Variants in AKT3 observed in about 807,000 individuals in gnomAD.
AKT3 encodes the protein AKT serine/threonine kinase 3, also known as RAC-gamma serine/threonine-protein kinase.
AKT3 carries 15 observed loss-of-function variants against 65.3 expected under a neutral mutation model. That is an observed-to-expected ratio of 0.23 (90% CI 0.15 to 0.35). The LOEUF (loss-of-function observed/expected upper bound fraction) is 0.35. Ranked by LOEUF, AKT3 falls within the 10% of genes least tolerant of loss-of-function variation. The pLI, the probability that AKT3 is intolerant of heterozygous loss-of-function variation, is 1.00. For synonymous variants in AKT3, 206 were observed against 183.8 expected, an observed-to-expected ratio of 1.12 and a Z score of -0.98; for missense variants, 243 against 576.5, an observed-to-expected ratio of 0.42 and a Z score of 5.92.
At chr1:243,545,669 T>C in intron 11 of AKT3, 72 bp from the exon 12 acceptor site, 1 of 1,124,142 alleles carries the variant, frequency 8.9e-7, no homozygotes, top group Non-Finnish European at 1.3e-6. Flanking sequence ...AAAAAATATT[T>C]TGTGAAAGTG....
At chr1:243,819,704 C>A (rs1693741533) in intron 2 of AKT3, among the ~76,000 whole-genome samples, 1 of 152,182 alleles carries the variant, frequency 6.6e-6, no homozygotes, top group Non-Finnish European at 1.5e-5. Context: ...GAGACCCCCC[C>A]AACAGGGGTC....
At chr1:243,774,047 G>C (rs541351795) in intron 2 of AKT3, among the ~76,000 whole-genome samples, 1 of 152,148 alleles carries the variant, frequency 6.6e-6, no homozygotes, top group South Asian at 2.1e-4. Context: ...TGAGGAGTGT[G>C]AAAGAGCAAG....
At chr1:243,531,021 A>T (rs1671487282) in intron 12 of AKT3, among the ~76,000 whole-genome samples, 1 of 152,208 alleles carries the variant, frequency 6.6e-6, no homozygotes, top group African/African-American at 2.4e-5. Flanking sequence ...GATGTAAAAT[A>T]GTTACTGCTA....
chr1:243,798,413 T>TTG (rs1267460011), intron 2 of AKT3, among the ~76,000 whole-genome samples: 374 of 137,966 alleles, frequency 2.7e-3, no homozygotes, highest in Non-Finnish European at 4.1e-3. Context: ...TTTTTTTTTT[T>TTG]TTTTGTTTTG....
intron 3 of AKT3, among the ~76,000 whole-genome samples, chr1:243,678,952 C>G (rs377561437): frequency 6.6e-6 from 1 of 152,090 alleles, no homozygotes; most frequent in African/African-American, 2.4e-5. Flanking sequence ...CCTTCTCCTT[C>G]CACCCGCTCC....
intron 2 of AKT3, among the ~76,000 whole-genome samples, chr1:243,722,746 A>C (rs1028862837): frequency 6.6e-6 from 1 of 152,198 alleles, no homozygotes; most frequent in African/African-American, 2.4e-5. Context: ...ACTCAGAAAA[A>C]GAAATACCAT....
At chr1:243,611,220 C>T (rs909210556) in intron 8 of AKT3, among the ~76,000 whole-genome samples, 2 of 152,214 alleles carry the variant, frequency 1.3e-5, no homozygotes, top group African/African-American at 2.4e-5. Flanking sequence ...TAGTTCCACA[C>T]ATACATTACT....
At chr1:243,528,346 G>A (rs1431056895) in intron 12 of AKT3, among the ~76,000 whole-genome samples, 1 of 152,074 alleles carries the variant, frequency 6.6e-6, no homozygotes, top group Non-Finnish European at 1.5e-5. Flanking sequence ...TAGGTTGAGT[G>A]GCACACACGT....
intron 2 of AKT3, among the ~76,000 whole-genome samples, chr1:243,714,238 G>T (rs983581965): frequency 3.3e-5 from 5 of 152,140 alleles, no homozygotes; most frequent in African/African-American, 1.2e-4. Context: ...TGATACTCAA[G>T]ATAAGTTGTG....
intron 9 of AKT3, among the ~76,000 whole-genome samples, chr1:243,567,130 G>A (rs934738641): frequency 6.6e-6 from 1 of 151,902 alleles, no homozygotes; most frequent in Non-Finnish European, 1.5e-5. Context: ...TAATACAAAA[G>A]ATTAGCTGTG....
intron 2 of AKT3, among the ~76,000 whole-genome samples, chr1:243,726,547 T>C (rs1363606030): frequency 6.6e-6 from 1 of 152,206 alleles, no homozygotes; most frequent in African/African-American, 2.4e-5. Flanking sequence ...AAGTTGTCAA[T>C]TTTCTGAAAA....
rs189115197 is a variant in AKT3 at position 243,649,036 on chromosome 1, C to A, written c.285-2999G>T. Among the ~76,000 whole-genome samples the A allele has an allele frequency of 2.7e-3, 404 of 152,092 alleles. 1 individual carries two copies. Among genetic ancestry groups the A allele is most frequent in the Non-Finnish European group, 4.7e-3 (322 of 67,990 alleles). On this transcript the variant is annotated intron_variant, in intron 4 of 13. Coordinates refer to ENST00000673466, the MANE Select transcript of AKT3 (RefSeq NM_005465.7). ...TTTCAAATACAGGTATTTAAGGCTA[C>A]AAATTTCCTTCTAAGCATTCATTTA...
At chr1:243,698,438 T>A (rs320303) in intron 2 of AKT3, among the ~76,000 whole-genome samples, 137,713 of 152,052 alleles carry the variant, frequency 0.91, 62,570 homozygotes, top group African/African-American at 0.98. Flanking sequence ...CAAATTTTCA[T>A]TTCTAAGCAT....
At chr1:243,633,352 A>G (rs1679746015) in intron 6 of AKT3, among the ~76,000 whole-genome samples, 1 of 152,238 alleles carries the variant, frequency 6.6e-6, no homozygotes, top group African/African-American at 2.4e-5. Flanking sequence ...ACACAAAAAA[A>G]TATAAAAGCT....
chr1:243,638,633 T>C (rs1195112312), intron 5 of AKT3, among the ~76,000 whole-genome samples: 1 of 152,208 alleles, frequency 6.6e-6, no homozygotes, highest in African/African-American at 2.4e-5. Context: ...TAATTGTATA[T>C]GATCAGTTTA....
At chr1:243,832,367 G>T (rs1222241083) in intron 2 of AKT3, among the ~76,000 whole-genome samples, 1 of 151,840 alleles carries the variant, frequency 6.6e-6, no homozygotes, top group South Asian at 2.1e-4. Flanking sequence ...CATAATTTAA[G>T]AATTAAATTG....
At chr1:243,823,143 A>T (rs957091204) in intron 2 of AKT3, among the ~76,000 whole-genome samples, 1 of 152,082 alleles carries the variant, frequency 6.6e-6, no homozygotes, top group African/African-American at 2.4e-5. Context: ...ATTAATAAAC[A>T]TAATTCATTA....
chr1:243,512,577 C>T (rs1446115297), intron 12 of AKT3, 151 bp from the exon 13 acceptor site: 5 of 573,804 alleles, frequency 8.7e-6, no homozygotes, highest in Non-Finnish European at 1.5e-5. Flanking sequence ...TATTTGGCTT[C>T]CCAGTCAACA....
At chr1:243,583,055 C>G (rs1413014734) in intron 8 of AKT3, among the ~76,000 whole-genome samples, 1 of 149,776 alleles carries the variant, frequency 6.7e-6, no homozygotes, top group Non-Finnish European at 1.5e-5. Flanking sequence ...CTCAATTCAA[C>G]AAGAAGACTT....
Sources: allele counts gnomAD v4.1 joint callset (sites outside exome capture counted in the v4.1 genomes callset), GRCh38; gene constraint gnomAD v4.1.1; transcripts MANE v1.5; gene names NCBI Gene and HGNC (gene_info 2026-07-23, HGNC 2026-07-21).